Variants in VPS33A observed in about 807,000 individuals in gnomAD.
VPS33A encodes the protein vacuolar protein sorting-associated protein 33A.
In VPS33A, 32 loss-of-function variants were observed where a neutral mutation model predicts 71.8. The ratio of observed to expected loss-of-function variants is 0.45; its 90% CI spans 0.34 to 0.60. The LOEUF is 0.60. VPS33A is among the 20% of genes least tolerant of loss of function. The pLI, the probability that VPS33A is intolerant of heterozygous loss-of-function variation, is 0.02. For missense variants in VPS33A, 625 were observed against 748.5 expected (o/e 0.84, Z 1.92); for synonymous variants, 311 against 292.7 (o/e 1.06, Z -0.64).
Position 122,238,702 on chromosome 12 carries a change from C to A in VPS33A, c.1187G>T (p.Cys396Phe). 2 of 1,613,016 alleles carry A rather than the reference C, an allele frequency of 1.2e-6. No homozygotes were observed. The highest frequency in any genetic ancestry group is 8.5e-7 in the Non-Finnish European group (1 of 1,179,650). The change falls in exon 10 of 13, where the codon TGT becomes TTT. Residue 396 changes from cysteine (C) to phenylalanine (F), a missense_variant. Physicochemically the swap from Cys to Phe is radical, Grantham distance 205. Transcript: ENST00000267199. ...GATCAACGAGTGCTTTTGGGCGATA[C>A]AATCCTCAATGTAATTGTTGACCTG... ...TDKVNNYIED[C>F]IAQKHSLIKV...
At chr12:122,241,627 C>T (rs772493825) in intron 8 of VPS33A, among the ~76,000 whole-genome samples, 9 of 151,168 alleles carry the variant, frequency 6.0e-5, no homozygotes, top group Non-Finnish European at 1.2e-4. Context: ...AATGGAGTCT[C>T]GCTCAACCAG....
chr12:122,258,333 A>G (rs1383953176), intron 4 of VPS33A, among the ~76,000 whole-genome samples: 1 of 152,176 alleles, frequency 6.6e-6, no homozygotes, highest in Non-Finnish European at 1.5e-5. Context: ...CACAAGTAAC[A>G]AGAGAAAAAC....
At chr12:122,244,340 G>A (rs1439705436) in intron 7 of VPS33A, among the ~76,000 whole-genome samples, 2 of 152,142 alleles carry the variant, frequency 1.3e-5, no homozygotes, top group Non-Finnish European at 2.9e-5. Flanking sequence ...ACACACTTGC[G>A]CCTCCACCTA....
intron 4 of VPS33A, among the ~76,000 whole-genome samples, chr12:122,251,811 T>C (rs1954847868): frequency 6.6e-6 from 1 of 151,090 alleles, no homozygotes; most frequent in Non-Finnish European, 1.5e-5. Flanking sequence ...CATTAGGAGA[T>C]ATACCTAATG....
At chr12:122,255,843 A>G (rs1954910723) in intron 4 of VPS33A, among the ~76,000 whole-genome samples, 1 of 151,614 alleles carries the variant, frequency 6.6e-6, no homozygotes, top group Admixed American at 6.6e-5. Flanking sequence ...TCACTCTGTC[A>G]CCCAGGCAGG....
At chr12:122,266,235 C>A (rs1592937152) in intron 1 of VPS33A, 72 bp downstream of exon 1, 1 of 1,563,220 alleles carries the variant, frequency 6.4e-7, no homozygotes, top group East Asian at 2.3e-5. Context: ...CGAACTCAGG[C>A]GGTCAGGGAA....
intron 8 of VPS33A, among the ~76,000 whole-genome samples, chr12:122,240,280 A>G (rs1404760371): frequency 3.3e-5 from 5 of 152,174 alleles, no homozygotes; most frequent in African/African-American, 1.2e-4. Flanking sequence ...GTGAGCCAAG[A>G]TCACACCATT....
At chr12:122,238,193 G>A (rs1444199422) in intron 10 of VPS33A, among the ~76,000 whole-genome samples, 2 of 152,028 alleles carry the variant, frequency 1.3e-5, no homozygotes, top group South Asian at 2.1e-4. Context: ...TGGCAGCTTT[G>A]TAATTTTTAT....
In VPS33A at chr12:122,261,296, C is replaced by A; in HGVS notation, c.448G>T (p.Asp150Tyr). The A allele has an allele frequency of 6.2e-7, 1 of 1,609,704 alleles. No homozygotes were observed. Among genetic ancestry groups the A allele is most frequent in the Non-Finnish European group, 8.5e-7 (1 of 1,178,764 alleles). The change falls in exon 4 of 13, where the codon GAT becomes TAT. Residue 150 changes from aspartate to tyrosine, a missense_variant. Transcript: ENST00000267199. The stretch of plus-strand genomic sequence containing the variant: ...CCCTCTGATTCCATGGATAAGAGAT[C>A]CCCATCGAATGGAATGAGATCTAAG... The part of the protein sequence containing the change: ...YSLDLIPFDG[D>Y]LLSMESEGAF...
intron 4 of VPS33A, among the ~76,000 whole-genome samples, chr12:122,255,083 G>A (rs1036251456): frequency 2.6e-5 from 4 of 151,016 alleles, no homozygotes; most frequent in African/African-American, 9.7e-5. Context: ...AAATAGTTCT[G>A]CCCTTTCTTA....
intron 6 of VPS33A, chr12:122,248,451 C>T (rs1202491840): frequency 6.6e-6 from 1 of 152,196 alleles, no homozygotes; most frequent in African/African-American, 2.4e-5. Flanking sequence ...AGGATTATTA[C>T]TTAAAATGTA....
intron 4 of VPS33A, among the ~76,000 whole-genome samples, chr12:122,256,971 C>T (rs546315150): frequency 3.3e-5 from 5 of 152,152 alleles, no homozygotes; most frequent in East Asian, 1.9e-4. Flanking sequence ...AAGAGAATAA[C>T]GCAACATACC....
chr12:122,245,346 A>G (rs1031477944), intron 6 of VPS33A, among the ~76,000 whole-genome samples: 14 of 152,048 alleles, frequency 9.2e-5, no homozygotes, highest in East Asian at 3.8e-4. Context: ...TATAAAATAC[A>G]TTTCTTACTG....
intron 11 of VPS33A, among the ~76,000 whole-genome samples, chr12:122,235,541 G>C (rs776644405): frequency 1.3e-5 from 2 of 152,064 alleles, no homozygotes; most frequent in Admixed American, 1.3e-4. Context: ...TGGGATTATA[G>C]GTGTGAGCCA....
At chr12:122,254,668 C>G (rs1954891887) in intron 4 of VPS33A, among the ~76,000 whole-genome samples, 1 of 152,154 alleles carries the variant, frequency 6.6e-6, no homozygotes, top group Non-Finnish European at 1.5e-5. Flanking sequence ...ACCTCAGCCT[C>G]CCAAAGTGCT....
chr12:122,256,648 C>T (rs934098944), intron 4 of VPS33A, among the ~76,000 whole-genome samples: 3 of 150,866 alleles, frequency 2.0e-5, no homozygotes, highest in Non-Finnish European at 2.9e-5. Context: ...GCATCATAAA[C>T]TCATAAATCA....
intron 5 of VPS33A, 80 bp downstream of exon 5, chr12:122,250,903 T>C (rs1203900222): frequency 2.0e-6 from 2 of 999,444 alleles, no homozygotes; most frequent in Admixed American, 2.2e-5. Flanking sequence ...CTGAATTTGT[T>C]TGTAAGGAGC....
chr12:122,255,973 T>C lies in VPS33A; in HGVS notation c.484-4874A>G, dbSNP rs542007662. Among the ~76,000 whole-genome samples, 3 of 152,146 alleles carry C rather than the reference T, an allele frequency of 2.0e-5. No individual in the cohort carries two copies. In the South Asian group the frequency reaches 6.2e-4, roughly 32 times the overall value. ...TGCACATCACCACGTGTGGCTAGTT[T>C]TTTGTAAAGACAGGGCCTCACTCTG... On this transcript the variant is annotated intron_variant, in intron 4 of 12. Transcript: ENST00000267199.
At chr12:122,251,978 C>G (rs933602614) in intron 4 of VPS33A, among the ~76,000 whole-genome samples, 4 of 151,508 alleles carry the variant, frequency 2.6e-5, no homozygotes, top group African/African-American at 9.7e-5. Context: ...CCTGGGAAGG[C>G]TAGGTGCAGT....
Sources: allele counts gnomAD v4.1 joint callset (sites outside exome capture counted in the v4.1 genomes callset), GRCh38; gene constraint gnomAD v4.1.1; transcripts MANE v1.5; gene names NCBI Gene and HGNC (gene_info 2026-07-23, HGNC 2026-07-21).